NMBR: variants seen among roughly 807,000 people sequenced by gnomAD.
NMBR encodes neuromedin-B receptor.
Under a neutral mutation model 20.5 loss-of-function variants are expected in NMBR, and 16 were observed. The observed-to-expected ratio is 0.78, with a 90% CI of 0.53 to 1.19. The LOEUF is 1.19. Among genes scored for constraint, NMBR ranks in the 50% most tolerant of loss-of-function variants. NMBR has a pLI of 0.00. For synonymous variants in NMBR, 212 were observed against 196.6 expected, an observed-to-expected ratio of 1.08 and a Z score of -0.65; for missense variants, 582 against 499.1, an observed-to-expected ratio of 1.17 and a Z score of -1.58.
chr6:142,085,605 C>T lies in NMBR; in HGVS notation c.422+2632G>A, dbSNP rs949952462. ...GCCATATCAGACAAGGTGTTTTAGG[C>T]CTCAAGGTGGATTCAAAATATTTGT... On this transcript the variant is annotated intron_variant, in intron 2 of 3. Transcript: ENST00000258042. Among the ~76,000 whole-genome samples the T allele has an allele frequency of 4.6e-5, 7 of 152,270 alleles. No homozygotes were observed. The East Asian group carries it at 1.2e-3, about 25-fold the overall frequency.
intron 1 of NMBR, among the ~76,000 whole-genome samples, chr6:142,139,652 A>G (rs777215346): frequency 9.9e-5 from 15 of 152,194 alleles, no homozygotes; most frequent in Non-Finnish European, 1.8e-4. Context: ...ACTTCTTTGA[A>G]CTAAACACTA....
At chr6:142,083,665 C>CGT (rs1265378355) in intron 2 of NMBR, among the ~76,000 whole-genome samples, 1 of 151,968 alleles carries the variant, frequency 6.6e-6, no homozygotes, top group Non-Finnish European at 1.5e-5. Flanking sequence ...TGTTTGAAAG[C>CGT]GTGTAGCACT....
chr6:142,141,507 G>T (rs1350481611), intron 1 of NMBR, among the ~76,000 whole-genome samples: 9 of 144,656 alleles, frequency 6.2e-5, no homozygotes, highest in Non-Finnish European at 1.2e-4. Context: ...GTGTTGCTTT[G>T]TTTTTTTTTT....
At chr6:142,079,070 AAGAG>A (rs1364564760) in intron 2 of NMBR, among the ~76,000 whole-genome samples, 167 bp from the exon 3 acceptor site, 3 of 101,092 alleles carry the variant, frequency 3.0e-5, no homozygotes, top group Non-Finnish European at 5.9e-5. Flanking sequence ...GAGAGAGAGA[AAGAG>A]AGAAAGAAAG....
At chr6:142,076,410 A>T (rs551544307) in intron 3 of NMBR, among the ~76,000 whole-genome samples, 16 of 152,304 alleles carry the variant, frequency 1.1e-4, no homozygotes, top group Non-Finnish European at 1.0e-4. Flanking sequence ...AAACCATAGA[A>T]TATATTCAAG....
chr6:142,093,782 A>T (rs1291789119), intron 1 of NMBR, among the ~76,000 whole-genome samples: 1 of 152,026 alleles, frequency 6.6e-6, no homozygotes, highest in African/African-American at 2.4e-5. Context: ...GTGTAAAAGC[A>T]TTCCTATTTT....
chr6:142,138,702 G>A (rs747750186), intron 1 of NMBR, among the ~76,000 whole-genome samples: 6 of 152,050 alleles, frequency 3.9e-5, no homozygotes, highest in African/African-American at 7.2e-5. Context: ...GAATGCTCCC[G>A]CCAATCTGCT....
chr6:142,075,615 G>C lies in NMBR; in HGVS notation c.*33C>G, dbSNP rs1019730532. On this transcript the variant is annotated 3_prime_UTR_variant, in exon 4 of 4. Coordinates refer to ENST00000258042, the MANE Select transcript of NMBR (RefSeq NM_002511.4). ...GAATAGGAATTTTAACAGTTACTAA[G>C]TTCTCTCCAGGTAGTGAGTTGAATG... 8 of 1,558,202 alleles carry C rather than the reference G, an allele frequency of 5.1e-6. No individual in the cohort carries two copies. In the East Asian group the frequency reaches 1.8e-4, roughly 35 times the overall value.
At chr6:142,096,571 T>G (rs1278937931) in intron 1 of NMBR, among the ~76,000 whole-genome samples, 2 of 152,072 alleles carry the variant, frequency 1.3e-5, no homozygotes, top group Admixed American at 6.6e-5. Context: ...TTACATTTGC[T>G]GAGGAGGGCT....
intron 1 of NMBR, among the ~76,000 whole-genome samples, chr6:142,094,933 T>C (rs1322307328): frequency 2.6e-5 from 4 of 152,192 alleles, no homozygotes; most frequent in African/African-American, 9.7e-5. Context: ...GGGAATTCAC[T>C]CATGATTTGG....
rs369550078 is a variant in NMBR at position 142,078,986 on chromosome 6, A to C, written c.423-83T>G. The C allele has an allele frequency of 9.8e-5, 94 of 958,596 alleles. No individual in the cohort carries two copies. Among genetic ancestry groups the C allele is most frequent in the South Asian group, 6.0e-4 (30 of 49,756 alleles). The allele number at this position is 958,596 out of a possible 1,614,324, so 59.4% of individuals were successfully genotyped here. The stretch of plus-strand genomic sequence containing the variant: ...GAAAAGAAAGAAAGAAAAAGAAAGG[A>C]AGAAAGGGAGAGAGAGAGAAAGGAA... On this transcript the variant is annotated intron_variant, in intron 2 of 3. Coordinates refer to ENST00000258042, the MANE Select transcript of NMBR (RefSeq NM_002511.4).
In NMBR at chr6:142,125,776, T is replaced by C. The variant is rs976707906; in HGVS notation, c.-664+21268A>G. On this transcript the variant is annotated intron_variant, in intron 1 of 3. Transcript: ENST00000258042. The stretch of plus-strand genomic sequence containing the variant: ...TATTTAAGGTGTACAACTTCATGTT[T>C]TGATATTCATATACATTGTGAAATA... 2.8e-4 allele frequency among the ~76,000 whole-genome samples: 43 copies of C among 151,904 alleles called. 1 individual carries two copies. The highest frequency in any genetic ancestry group is 5.9e-5 in the Non-Finnish European group (4 of 67,884).
Position 142,098,784 on chromosome 6 carries a change from T to C in NMBR, c.-663-9463A>G, listed in dbSNP as rs1777506941. On this transcript the variant is annotated intron_variant, in intron 1 of 3. Transcript: ENST00000258042. ...AAATTCAATGCTATCTTAATCATAA[T>C]CCCAGAAAGGTAATCTGTGGATATC... is the stretch of plus-strand genomic sequence containing the variant. 2.0e-5 allele frequency among the ~76,000 whole-genome samples: 3 copies of C among 152,120 alleles called. 1 individual carries two copies. In the South Asian group the frequency reaches 6.2e-4, roughly 31 times the overall value.
At chr6:142,137,865 TTCAA>T (rs1252254084) in intron 1 of NMBR, among the ~76,000 whole-genome samples, 1 of 152,034 alleles carries the variant, frequency 6.6e-6, no homozygotes, top group Non-Finnish European at 1.5e-5. Flanking sequence ...ATGGTGGATA[TTCAA>T]TCAGTTTTCT....
intron 1 of NMBR, among the ~76,000 whole-genome samples, chr6:142,119,453 C>T (rs554865089): frequency 6.6e-6 from 1 of 152,008 alleles, no homozygotes; most frequent in African/African-American, 2.4e-5. Flanking sequence ...TGTTCTCACC[C>T]AAAACATAAA....
At chr6:142,142,211 T>A (rs1168625387) in intron 1 of NMBR, among the ~76,000 whole-genome samples, 1 of 152,184 alleles carries the variant, frequency 6.6e-6, no homozygotes, top group African/African-American at 2.4e-5. Context: ...AGCTTTCCCA[T>A]AAAGAAATGC....
chr6:142,109,594 G>A (rs1030886749), intron 1 of NMBR, among the ~76,000 whole-genome samples: 3 of 147,324 alleles, frequency 2.0e-5, no homozygotes, highest in African/African-American at 7.5e-5. Context: ...CACATGAAAA[G>A]ATGCTCAATA....
Position 142,075,647 on chromosome 6 carries a change from A to G in NMBR, c.*1T>C. ...CCAGGTAGTGAGTTGAATGGCCAAA[A>G]TCACAGTGCCATTTCCTGCTTCATG... On this transcript the variant is annotated 3_prime_UTR_variant, in exon 4 of 4. Transcript: ENST00000258042. 6.2e-7 allele frequency: 1 copy of G among 1,600,550 alleles called. No individual in the cohort carries two copies. The highest frequency in any genetic ancestry group is 8.5e-7 in the Non-Finnish European group (1 of 1,172,322).
chr6:142,123,678 G>A (rs1777984030), intron 1 of NMBR, among the ~76,000 whole-genome samples: 1 of 151,886 alleles, frequency 6.6e-6, no homozygotes, highest in Non-Finnish European at 1.5e-5. Context: ...CCTCCACGGT[G>A]AAAATATTAC....
Sources: gnomAD v4.1 joint callset for allele counts (sites outside exome capture counted in the v4.1 genomes callset) on GRCh38, gnomAD v4.1.1 for gene constraint, MANE v1.5 for transcripts, NCBI Gene and HGNC (gene_info 2026-07-23, HGNC 2026-07-21) for gene names.